NLGN1: variants seen among roughly 807,000 people sequenced by gnomAD.
NLGN1 encodes the protein neuroligin-1.
A neutral mutation model predicts 65.5 loss-of-function variants in NLGN1; 12 were observed. The observed-to-expected ratio is 0.18, with a 90% CI of 0.12 to 0.30. NLGN1 has a LOEUF of 0.30. Among genes scored for constraint, NLGN1 ranks in the 10% least tolerant of loss-of-function variants. The probability of loss-of-function intolerance (pLI) is 1.00; values close to 1 mark genes in which losing one functional copy is unlikely to be tolerated. For missense variants in NLGN1, 750 were observed against 1,007.1 expected, an observed-to-expected ratio of 0.74 and a Z score of 3.46; for synonymous variants, 350 against 359.5, an observed-to-expected ratio of 0.97 and a Z score of 0.30.
chr3:174,158,025 A>G (rs1466671054), intron 4 of NLGN1, among the ~76,000 whole-genome samples: 2 of 151,744 alleles, frequency 1.3e-5, no homozygotes, highest in African/African-American at 2.4e-5. Flanking sequence ...CCCTTCTATT[A>G]TGGAGCTTCT....
At chr3:173,682,639 T>C (rs1412594682) in intron 3 of NLGN1, among the ~76,000 whole-genome samples, 1 of 151,664 alleles carries the variant, frequency 6.6e-6, no homozygotes, top group Non-Finnish European at 1.5e-5. Context: ...GCCATGATTT[T>C]CCATACCTAA....
intron 3 of NLGN1, among the ~76,000 whole-genome samples, chr3:173,617,455 G>A (rs1459121371): frequency 6.6e-6 from 1 of 152,168 alleles, no homozygotes; most frequent in Non-Finnish European, 1.5e-5. Context: ...CCCACCATCT[G>A]CATTTATTTG....
At chr3:173,612,462 C>G (rs1251148193) in intron 3 of NLGN1, among the ~76,000 whole-genome samples, 2 of 151,960 alleles carry the variant, frequency 1.3e-5, no homozygotes, top group South Asian at 4.1e-4. Context: ...GGAGTACCTC[C>G]CTGCTTTTTT....
chr3:174,085,742 A>G (rs893825505), intron 4 of NLGN1, among the ~76,000 whole-genome samples: 1 of 152,078 alleles, frequency 6.6e-6, no homozygotes, highest in African/African-American at 2.4e-5. Context: ...ATCTGTCACT[A>G]AACTATTGAA....
intron 2 of NLGN1, among the ~76,000 whole-genome samples, chr3:173,491,111 G>T (rs1352456748): frequency 6.6e-6 from 1 of 151,740 alleles, no homozygotes; most frequent in African/African-American, 2.4e-5. Context: ...GATTGCCGTG[G>T]CCAGAACTTC....
chr3:173,877,174 G>A (rs1281161711), intron 4 of NLGN1, among the ~76,000 whole-genome samples: 1 of 152,076 alleles, frequency 6.6e-6, no homozygotes, highest in Non-Finnish European at 1.5e-5. Context: ...AGTACATAAA[G>A]TGATCAAATT....
chr3:173,751,164 G>A (rs778386446), intron 3 of NLGN1, among the ~76,000 whole-genome samples: 2 of 151,922 alleles, frequency 1.3e-5, no homozygotes, highest in African/African-American at 2.4e-5. Context: ...CTGAGTAGGC[G>A]CACATCTATA....
chr3:173,745,966 C>G (rs143761410), intron 3 of NLGN1, among the ~76,000 whole-genome samples: 120 of 152,068 alleles, frequency 7.9e-4, no homozygotes, highest in Non-Finnish European at 1.6e-3. Flanking sequence ...AATCAGGACA[C>G]TGGACTTACT....
At chr3:174,275,171 CTTTT>C in intron 4 of NLGN1, 140 bp from the exon 5 acceptor site, 1 of 623,750 alleles carries the variant, frequency 1.6e-6, no homozygotes, top group Non-Finnish European at 2.8e-6. Flanking sequence ...AAAGTAAATT[CTTTT>C]GTTATAGTGG....
Position 174,063,078 on chromosome 3 carries a change from C to T in NLGN1, c.647-212237C>T, listed in dbSNP as rs1737755003. ...GCAAAGAACCAGAGATGTAGAAAAA[C>T]GATTGCAATCTAACATGATAATGTT... On this transcript the variant is annotated intron_variant, in intron 4 of 6. Transcript: ENST00000457714. Among the ~76,000 whole-genome samples, 3 of 152,094 alleles carry T rather than the reference C, an allele frequency of 2.0e-5. No homozygotes were observed. In the South Asian group the frequency reaches 6.2e-4, roughly 31 times the overall value.
At chr3:173,583,071 C>T (rs1746657199) in intron 2 of NLGN1, among the ~76,000 whole-genome samples, 1 of 152,204 alleles carries the variant, frequency 6.6e-6, no homozygotes, top group Non-Finnish European at 1.5e-5. Flanking sequence ...ACTTTCTATT[C>T]TGTTCCATTG....
At chr3:174,277,607 T>C (rs1255075981) in intron 5 of NLGN1, among the ~76,000 whole-genome samples, 2 of 151,912 alleles carry the variant, frequency 1.3e-5, no homozygotes, top group Non-Finnish European at 2.9e-5. Flanking sequence ...ATTTGTATCA[T>C]TTGCTCTAGC....
chr3:174,002,758 AT>A, intron 4 of NLGN1, among the ~76,000 whole-genome samples: 1 of 152,318 alleles, frequency 6.6e-6, no homozygotes, highest in East Asian at 1.9e-4. Context: ...GGAAAAAAAA[AT>A]GGAGGGAAAA....
chr3:173,927,307 C>A (rs534444081), intron 4 of NLGN1, among the ~76,000 whole-genome samples: 1 of 152,316 alleles, frequency 6.6e-6, no homozygotes, highest in East Asian at 1.9e-4. Context: ...CGTGATCCAT[C>A]CACCTTGGCC....
intron 3 of NLGN1, among the ~76,000 whole-genome samples, chr3:173,711,908 A>G (rs1195321754): frequency 6.6e-6 from 1 of 152,182 alleles, no homozygotes; most frequent in African/African-American, 2.4e-5. Flanking sequence ...TAGTGTTCCA[A>G]GTCTGGAGTG....
chr3:174,076,911 T>C (rs1741136278), intron 4 of NLGN1, among the ~76,000 whole-genome samples: 1 of 152,138 alleles, frequency 6.6e-6, no homozygotes, highest in South Asian at 2.1e-4. Flanking sequence ...GTTAAAATTG[T>C]TTGTGGCCCT....
chr3:174,184,910 A>G (rs548810382), intron 4 of NLGN1, among the ~76,000 whole-genome samples: 10 of 152,158 alleles, frequency 6.6e-5, no homozygotes, highest in Non-Finnish European at 1.5e-4. Context: ...TGAAGTCCAG[A>G]GTGGACAGAT....
intron 4 of NLGN1, among the ~76,000 whole-genome samples, chr3:174,133,059 C>T: frequency 6.6e-6 from 1 of 152,190 alleles, no homozygotes; most frequent in East Asian, 1.9e-4. Flanking sequence ...TAGATCATCT[C>T]TCTATAGTGC....
chr3:173,878,493 T>A (rs1218005066), intron 4 of NLGN1, among the ~76,000 whole-genome samples: 4 of 152,058 alleles, frequency 2.6e-5, no homozygotes, highest in Admixed American at 2.6e-4. Flanking sequence ...TAATCAAGTA[T>A]CTTTTTGAAA....
Sources: gnomAD v4.1 joint callset for allele counts (sites outside exome capture counted in the v4.1 genomes callset) on GRCh38, gnomAD v4.1.1 for gene constraint, MANE v1.5 for transcripts, NCBI Gene and HGNC (gene_info 2026-07-23, HGNC 2026-07-21) for gene names.